Variants in DLGAP2 observed in about 807,000 individuals in gnomAD.
DLGAP2 encodes DLG associated protein 2, also known as disks large-associated protein 2.
Under a neutral mutation model 100.3 loss-of-function variants are expected in DLGAP2, and 26 were observed. That is an observed-to-expected ratio of 0.26 (90% CI 0.19 to 0.36). The LOEUF (loss-of-function observed/expected upper bound fraction) is 0.36, where lower values mean the gene tolerates loss of function less well. Among genes scored for constraint, DLGAP2 ranks in the 10% least tolerant of loss-of-function variants. The pLI is 1.00. For synonymous variants in DLGAP2, 886 were observed against 630.1 expected (o/e 1.41, Z -6.08); for missense variants, 1,858 against 1,453.2 (o/e 1.28, Z -4.53).
intron 4 of DLGAP2, among the ~76,000 whole-genome samples, chr8:1,548,322 G>A (rs1385522888): frequency 1.3e-5 from 2 of 151,484 alleles, no homozygotes; most frequent in Admixed American, 6.6e-5. Context: ...AGCCGGGCGT[G>A]GTGGCAGGCG....
At chr8:1,147,952 C>T (rs959167633) in intron 2 of DLGAP2, among the ~76,000 whole-genome samples, 4 of 151,238 alleles carry the variant, frequency 2.6e-5, no homozygotes, top group African/African-American at 7.3e-5. Flanking sequence ...TTTTAAAATC[C>T]CTTTGATTTG....
intron 3 of DLGAP2, among the ~76,000 whole-genome samples, chr8:1,365,123 C>T (rs540212145): frequency 1.3e-5 from 2 of 152,148 alleles, no homozygotes; most frequent in Admixed American, 6.5e-5. Context: ...AGCGGGAGGT[C>T]AGGGGCCTGC....
Position 1,626,773 on chromosome 8 carries a change from T to C in DLGAP2, c.1476T>C (p.Pro492=), listed in dbSNP as rs769040442. 88 of 1,604,092 alleles carry C rather than the reference T, an allele frequency of 5.5e-5. No individual in the cohort carries two copies. The highest frequency in any genetic ancestry group is 7.4e-5 in the Non-Finnish European group (87 of 1,175,742). Residue 492 remains proline, a synonymous_variant, in exon 7 of 15, where the codon CCT becomes CCC. Transcript: ENST00000637795. ...ACCTGCAAGCTGCAAGCGATGTGCC[T>C]GTGGGACACAGCCTGGACCCCGCTG... ...QTYLQAASDV[P]VGHSLDPAAN... is the part of the protein sequence containing the mutation.
intron 8 of DLGAP2, among the ~76,000 whole-genome samples, chr8:1,633,988 G>C (rs894349855): frequency 1.3e-5 from 2 of 152,234 alleles, no homozygotes; most frequent in African/African-American, 2.4e-5. Flanking sequence ...CAATGCTAAA[G>C]TGAACAAGAA....
chr8:849,374 G>T (rs1444359285), intron 1 of DLGAP2, among the ~76,000 whole-genome samples: 1 of 152,226 alleles, frequency 6.6e-6, no homozygotes, highest in Non-Finnish European at 1.5e-5. Flanking sequence ...CTGTTTCCAG[G>T]TTCTGGCAGT....
intron 4 of DLGAP2, among the ~76,000 whole-genome samples, chr8:1,528,220 C>G (rs1410880288): frequency 6.6e-6 from 1 of 152,198 alleles, no homozygotes; most frequent in African/African-American, 2.4e-5. Context: ...GGCTTTCTAG[C>G]TTTCCTCCTC....
chr8:1,509,235 G>T lies in DLGAP2; in HGVS notation c.172+7804G>T, dbSNP rs148303078. Among the ~76,000 whole-genome samples the T allele has an allele frequency of 5.7e-3, 868 of 151,938 alleles. 5 individuals are homozygous for T. Among genetic ancestry groups the T allele is most frequent in the Non-Finnish European group, 9.0e-3 (615 of 67,976 alleles). On this transcript the variant is annotated intron_variant, in intron 4 of 14. Transcript: ENST00000637795. Reference sequence around the variant, plus strand: ...AATCCCAGCTACTCGAGAGGCTGAGGCGGAAGAATTGCTTGAACCCCGGAG... The same window carrying T: ...AATCCCAGCTACTCGAGAGGCTGAGTCGGAAGAATTGCTTGAACCCCGGAG...
intron 1 of DLGAP2, among the ~76,000 whole-genome samples, chr8:878,150 C>G (rs1416038738): frequency 1.3e-5 from 2 of 152,054 alleles, no homozygotes; most frequent in African/African-American, 2.4e-5. Flanking sequence ...CATTTTTTAA[C>G]AATGGGAGAG....
At chr8:1,392,610 C>T (rs949143377) in intron 3 of DLGAP2, among the ~76,000 whole-genome samples, 5 of 152,210 alleles carry the variant, frequency 3.3e-5, no homozygotes, top group African/African-American at 4.8e-5. Flanking sequence ...TGCATTTTAA[C>T]TGTGACCCTA....
intron 3 of DLGAP2, among the ~76,000 whole-genome samples, chr8:1,489,648 T>C (rs1799320876): frequency 6.6e-6 from 1 of 152,072 alleles, no homozygotes; most frequent in African/African-American, 2.4e-5. Context: ...AAAGAGAAAA[T>C]AAAACACGGC....
chr8:1,605,521 A>G (rs1796768942), intron 6 of DLGAP2, among the ~76,000 whole-genome samples: 1 of 152,134 alleles, frequency 6.6e-6, no homozygotes, highest in South Asian at 2.1e-4. Context: ...TTTGTGCATG[A>G]GCTTTAGAAA....
intron 3 of DLGAP2, among the ~76,000 whole-genome samples, chr8:1,392,236 G>A (rs1486835324): frequency 2.0e-5 from 3 of 152,154 alleles, no homozygotes; most frequent in Non-Finnish European, 2.9e-5. Context: ...TGAAGTGGAC[G>A]TGAGGATGAG....
intron 6 of DLGAP2, among the ~76,000 whole-genome samples, chr8:1,573,491 C>G (rs1358340270): frequency 1.3e-5 from 2 of 151,966 alleles, no homozygotes; most frequent in African/African-American, 4.8e-5. Flanking sequence ...TGAAGAGTGT[C>G]TGAGAGAAAA....
intron 2 of DLGAP2, among the ~76,000 whole-genome samples, chr8:1,036,559 C>A (rs1031812647): frequency 1.3e-5 from 2 of 152,054 alleles, no homozygotes; most frequent in Non-Finnish European, 2.9e-5. Context: ...AGTGTTGGGG[C>A]CTTTGGGGAT....
At chr8:1,127,267 A>T (rs1796188779) in intron 2 of DLGAP2, among the ~76,000 whole-genome samples, 1 of 151,668 alleles carries the variant, frequency 6.6e-6, no homozygotes, top group Non-Finnish European at 1.5e-5. Flanking sequence ...AGCTGGGCTC[A>T]TTGGGGTGAC....
At chr8:1,258,331 A>T (rs1295974887) in intron 2 of DLGAP2, among the ~76,000 whole-genome samples, 3 of 151,512 alleles carry the variant, frequency 2.0e-5, no homozygotes, top group Non-Finnish European at 2.9e-5. Context: ...TGCATGTGAC[A>T]GGTCGTTACT....
At chr8:875,691 C>G (rs1029277607) in intron 1 of DLGAP2, among the ~76,000 whole-genome samples, 2 of 152,048 alleles carry the variant, frequency 1.3e-5, no homozygotes, top group Non-Finnish European at 2.9e-5. Context: ...AGTCTCATAC[C>G]TTTTTTATTT....
chr8:1,594,036 C>T (rs898986572), intron 6 of DLGAP2, among the ~76,000 whole-genome samples: 3 of 152,154 alleles, frequency 2.0e-5, no homozygotes, highest in African/African-American at 7.2e-5. Flanking sequence ...CGATGGTGTT[C>T]TTCCCTGATT....
At position 903,156 on chromosome 8, in the gene DLGAP2, C is replaced by G. The variant is rs997708480; in HGVS notation, c.19-4756C>G. The stretch of plus-strand genomic sequence containing the variant: ...TTGTCGCCTCCATGCTCTTTAATCT[C>G]GTTAATGTCAGGACGTTTTTATCCT... On this transcript the variant is annotated intron_variant, in intron 1 of 14. Transcript: ENST00000637795. Among the ~76,000 whole-genome samples, 9 of 152,082 alleles carry G rather than the reference C, an allele frequency of 5.9e-5. No individual in the cohort carries two copies. The South Asian group carries it at 1.2e-3, about 21-fold the overall frequency.
Sources: allele counts gnomAD v4.1 joint callset (sites outside exome capture counted in the v4.1 genomes callset), GRCh38; gene constraint gnomAD v4.1.1; transcripts MANE v1.5; gene names NCBI Gene and HGNC (gene_info 2026-07-23, HGNC 2026-07-21).